Variants in MDC1 observed in about 807,000 individuals in gnomAD.
MDC1 encodes mediator of DNA damage checkpoint 1, also known as mediator of DNA damage checkpoint protein 1.
A neutral mutation model predicts 142.5 loss-of-function variants in MDC1; 81 were observed. The observed-to-expected ratio is 0.57, with a 90% CI of 0.47 to 0.68. The LOEUF is 0.68. MDC1 is among the 30% of genes least tolerant of loss of function. The pLI is 0.00. For synonymous variants in MDC1, 797 were observed against 968.4 expected, an observed-to-expected ratio of 0.82 and a Z score of 3.29; for missense variants, 2,119 against 2,547.9, an observed-to-expected ratio of 0.83 and a Z score of 3.62.
Position 30,703,338 on chromosome 6 carries a change from C to A in MDC1, c.5683-52G>T. The A allele has an allele frequency of 6.2e-7, 1 of 1,611,180 alleles. No homozygotes were observed. The highest frequency in any genetic ancestry group is 1.3e-5 in the African/African-American group (1 of 75,028). Reference sequence around the variant, plus strand: ...TACGGCAACCCATGCCATCAGCACCCATCTCTACAATCCTCTAGGTCTCCT... The same window carrying A: ...TACGGCAACCCATGCCATCAGCACCAATCTCTACAATCCTCTAGGTCTCCT... On this transcript the variant is annotated intron_variant, in intron 11 of 14. Transcript: ENST00000376406. The surrounding 1 kb of genome is among the most constrained non-coding windows in gnomAD (Gnocchi z 4.4).
At chr6:30,706,165 C>T (rs1410996812) in intron 9 of MDC1, 67 bp from the exon 10 acceptor site, 1 of 1,326,032 alleles carries the variant, frequency 7.5e-7, no homozygotes, top group African/African-American at 1.5e-5. Flanking sequence ...GGATACTGTT[C>T]TTGATACTTG....
chr6:30,716,802 G>T lies in MDC1; in HGVS notation c.-4+443C>A. 3.6e-6 allele frequency: 2 copies of T among 559,848 alleles called. No homozygotes were observed. Among genetic ancestry groups the T allele is most frequent in the Non-Finnish European group, 4.5e-6 (2 of 441,318 alleles). 34.7% of individuals were successfully genotyped at this position (559,848 alleles called of 1,614,324 possible). On this transcript the variant is annotated intron_variant, in intron 1 of 14. Coordinates refer to ENST00000376406, the MANE Select transcript of MDC1 (RefSeq NM_014641.3). This position sits in a 1 kb window ranked among gnomAD's most constrained non-coding sequence, Gnocchi z 4.4. ...GTGAACCAAACATGAAATCGACCCT[G>T]CCCTCGGGAAGGCTCATCACCGAGC...
chr6:30,704,773 C>A lies in MDC1; in HGVS notation c.4410G>T (p.Thr1470=), dbSNP rs547516755. The A allele has an allele frequency of 6.5e-7, 1 of 1,531,090 alleles. No individual in the cohort carries two copies. The allele number at this position is 1,531,090 out of a possible 1,614,324, so 94.8% of individuals were successfully genotyped here. ...CTGTTCTTCCCCTAGTAGCCTGAGACGTAGGCTCAGGGGTAACAGGCTGGT... is the reference window on the plus strand; with the variant it reads ...CTGTTCTTCCCCTAGTAGCCTGAGAAGTAGGCTCAGGGGTAACAGGCTGGT... ...STDQPVTPEP[T]SQATRGRTDR... The change falls in exon 10 of 15, where the codon ACG becomes ACT. Residue 1470 remains threonine, a synonymous_variant. Transcript: ENST00000376406.
intron 7 of MDC1, among the ~76,000 whole-genome samples, 186 bp from the exon 8 acceptor site, chr6:30,708,543 A>G (rs1368539002): frequency 7.9e-5 from 12 of 152,204 alleles, no homozygotes; most frequent in Admixed American, 7.9e-4. Context: ...TATAACATTT[A>G]ACGTTTGTCT....
At position 30,703,908 on chromosome 6, in the gene MDC1, C is replaced by T. The variant is rs773246059; in HGVS notation, c.5275G>A (p.Gly1759Arg). The change falls in exon 10 of 15, where the codon GGA becomes AGA. Residue 1759 changes from glycine (G) to arginine (R), a missense_variant. Coordinates refer to ENST00000376406, the MANE Select transcript of MDC1 (RefSeq NM_014641.3). This position sits in a 1 kb window ranked among gnomAD's most constrained non-coding sequence, Gnocchi z 4.4. The part of the protein sequence containing the change: ...KSQASRNQRW[G>R]AVRAAESLTA... ...AGGGATTCAGCTGCTCTCACTGCTCCCCATCTTTGGTTCCTTGAGGCCTGG... is the reference window on the plus strand; with the variant it reads ...AGGGATTCAGCTGCTCTCACTGCTCTCCATCTTTGGTTCCTTGAGGCCTGG... 1 of 1,614,136 alleles carries T rather than the reference C, an allele frequency of 6.2e-7. No homozygotes were observed. The highest frequency in any genetic ancestry group is 8.5e-7 in the Non-Finnish European group (1 of 1,180,028).
At position 30,707,884 on chromosome 6, in the gene MDC1, C is replaced by G; in HGVS notation, c.2695G>C (p.Glu899Gln). 1 of 1,613,052 alleles carries G rather than the reference C, an allele frequency of 6.2e-7. No individual in the cohort carries two copies. The highest frequency in any genetic ancestry group is 8.5e-7 in the Non-Finnish European group (1 of 1,180,032). The change falls in exon 8 of 15, where the codon GAA (glutamate) becomes CAA (glutamine). Residue 899 changes from glutamate (E) to glutamine (Q), a missense_variant. Glu to Gln is a conservative substitution (Grantham distance 29). Coordinates refer to ENST00000376406, the MANE Select transcript of MDC1 (RefSeq NM_014641.3). Reference protein sequence around the residue: ...SLKVEIETSEEIQEKQVQKQT... With the variant: ...SLKVEIETSEQIQEKQVQKQT... ...TTCTGTACTTGTTTCTCTTGTATTTCCTCAGATGTCTCAATTTCTACCTTC... is the reference window on the plus strand; with the variant it reads ...TTCTGTACTTGTTTCTCTTGTATTTGCTCAGATGTCTCAATTTCTACCTTC...
At chr6:30,708,855 C>CAAAAAAAA (rs59939040) in intron 7 of MDC1, among the ~76,000 whole-genome samples, 1 of 55,230 alleles carries the variant, frequency 1.8e-5, no homozygotes, top group South Asian at 6.7e-4. Context: ...GACTCTGTCT[C>CAAAAAAAA]AAAAAAAAAA....
Position 30,707,945 on chromosome 6 carries a change from C to A in MDC1, c.2634G>T (p.Gly878=). 1 of 1,613,008 alleles carries A rather than the reference C, an allele frequency of 6.2e-7. No homozygotes were observed. Among genetic ancestry groups the A allele is most frequent in the Non-Finnish European group, 8.5e-7 (1 of 1,180,014 alleles). Residue 878 remains glycine (G), a synonymous_variant, in exon 8 of 15, where the codon GGG becomes GGT. Coordinates refer to ENST00000376406, the MANE Select transcript of MDC1 (RefSeq NM_014641.3). ...TATCTCTTTCAGGACTTGCACTTTC[C>A]CCATTTTTGTCAGATTCTTGTCTCT... ...DTQRQESDKN[G]ESASPERDRE... is the part of the protein sequence containing the mutation.
rs1773716465 is a variant in MDC1 at position 30,705,917 on chromosome 6, G to A, written c.3266C>T (p.Ala1089Val). The change falls in exon 10 of 15, where the codon GCT becomes GTT. Residue 1089 changes from alanine (A) to valine (V), a missense_variant. Transcript: ENST00000376406. The stretch of plus-strand genomic sequence containing the variant: ...CTCTGAGGACAAGGGAGCCTCTGGA[G>A]CTTCCTGACTCCCATCTTGCCTGGT... The part of the protein sequence containing the change: ...RKTRQDGSQE[A>V]PEAPLSSELE... 6.2e-7 allele frequency: 1 copy of A among 1,613,574 alleles called. No individual in the cohort carries two copies. Among genetic ancestry groups the A allele is most frequent in the African/African-American group, 1.3e-5 (1 of 74,856 alleles).
At chr6:30,702,936 C>A in intron 12 of MDC1, 59 bp from the exon 13 acceptor site, 2 of 1,610,380 alleles carry the variant, frequency 1.2e-6, no homozygotes, top group Non-Finnish European at 1.7e-6. Flanking sequence ...AGCTCTGCTG[C>A]CTAGCATTTA....
In MDC1 at chr6:30,713,116, T is replaced by A; in HGVS notation, c.826A>T (p.Arg276Trp). The stretch of plus-strand genomic sequence containing the variant: ...GGAACCACCCCATTCCCTGCACCCC[T>A]CTTGACTTTTGTATCATTGTCCCTC... ...KERDNDTKVK[R>W]GAGNGVVPAG... The change falls in exon 5 of 15, where the codon AGG (arginine) becomes TGG (tryptophan). Residue 276 changes from arginine to tryptophan, a missense_variant. Coordinates refer to ENST00000376406, the MANE Select transcript of MDC1 (RefSeq NM_014641.3). This position sits in a 1 kb window ranked among gnomAD's most constrained non-coding sequence, Gnocchi z 4.9. The A allele has an allele frequency of 6.2e-7, 1 of 1,613,038 alleles. No homozygotes were observed. Among genetic ancestry groups the A allele is most frequent in the Non-Finnish European group, 8.5e-7 (1 of 1,179,936 alleles).
At position 30,703,467 on chromosome 6, in the gene MDC1, C is replaced by T. The variant is rs376836775; in HGVS notation, c.5633G>A (p.Ser1878Asn). The T allele has an allele frequency of 1.7e-4, 270 of 1,613,970 alleles. 8 individuals carry two copies. The highest frequency in any genetic ancestry group is 8.9e-4 in the East Asian group (40 of 44,884). The change falls in exon 11 of 15, where the codon AGC becomes AAC. Residue 1878 changes from serine (S) to asparagine (N), a missense_variant. By Grantham distance (46) the Ser-to-Asn change is conservative. Transcript: ENST00000376406. The surrounding 1 kb of genome is among the most constrained non-coding windows in gnomAD (Gnocchi z 4.4). Reference sequence around the variant, plus strand: ...AAGTTTGGTCCGTCGGAGGCTGCGGCTTGGTATTCTGTTGGGCTCCTCCTC... The same window carrying T: ...AAGTTTGGTCCGTCGGAGGCTGCGGTTTGGTATTCTGTTGGGCTCCTCCTC... ...QAEEEPNRIP[S>N]RSLRRTKLNQ...
chr6:30,700,902 CAAAAAA>C lies in MDC1; in HGVS notation c.6103-276_6103-271del, dbSNP rs9281018. Among the ~76,000 whole-genome samples the C allele has an allele frequency of 4.2e-5, 3 of 70,596 alleles. No individual in the cohort carries two copies. In the Admixed American group the frequency reaches 5.2e-4, roughly 12 times the overall value. 46.3% of individuals were successfully genotyped at this position (70,596 alleles called of 152,430 possible). On this transcript the variant is annotated intron_variant, in intron 14 of 14. Coordinates refer to ENST00000376406, the MANE Select transcript of MDC1 (RefSeq NM_014641.3). Reference sequence around the variant, plus strand: ...TGAAACCCTGTCTCTACTAAAAATACAAAAAAAAAAAAAAAAAAAAATTAGCCGGGC... The same window carrying C: ...TGAAACCCTGTCTCTACTAAAAATACAAAAAAAAAAAAAAATTAGCCGGGC...
rs774476686 is a variant in MDC1, at chr6:30,703,465, G to A, written c.5635C>T (p.Arg1879Cys). ...TTAAGTTTGGTCCGTCGGAGGCTGC[G>A]GCTTGGTATTCTGTTGGGCTCCTCC... is the stretch of plus-strand genomic sequence containing the variant. ...AEEEPNRIPS[R>C]SLRRTKLNQE... Residue 1879 changes from arginine to cysteine, a missense_variant, in exon 11 of 15, where the codon CGC becomes TGC. Transcript: ENST00000376406. This position sits in a 1 kb window ranked among gnomAD's most constrained non-coding sequence, Gnocchi z 4.4. 1.5e-5 allele frequency: 24 copies of A among 1,613,806 alleles called. No homozygotes were observed. Among genetic ancestry groups the A allele is most frequent in the South Asian group, 1.1e-4 (10 of 91,090 alleles).
Position 30,700,449 on chromosome 6 carries a change from A to G in MDC1, c.*16T>C, listed in dbSNP as rs114770843. ...TTCTAATTCGTGGTCTGGGAGGGAA[A>G]AGGGTAGTGGAGTTCTCAGGTGGAT... On this transcript the variant is annotated 3_prime_UTR_variant, in exon 15 of 15. Coordinates refer to ENST00000376406, the MANE Select transcript of MDC1 (RefSeq NM_014641.3). 8.4e-3 allele frequency: 13,456 copies of G among 1,601,236 alleles called. 122 individuals are homozygous for G. Among genetic ancestry groups the G allele is most frequent in the Middle Eastern group, 0.048 (286 of 6,008 alleles).
Position 30,707,377 on chromosome 6 carries a change from C to T in MDC1, c.3084+7G>A. ...GTGGAATAGGAGGTAGAAAAAGTAG[C>T]TCTCACCCTGGAAACCTTCTCAGCA... On this transcript the variant is annotated splice_region_variant and intron_variant, in intron 9 of 14. Coordinates refer to ENST00000376406, the MANE Select transcript of MDC1 (RefSeq NM_014641.3). 1 of 1,613,052 alleles carries T rather than the reference C, an allele frequency of 6.2e-7. No homozygotes were observed. Among genetic ancestry groups the T allele is most frequent in the Non-Finnish European group, 8.5e-7 (1 of 1,179,980 alleles).
In MDC1 at chr6:30,704,720, G is replaced by C. The variant is rs200629873; in HGVS notation, c.4463C>G (p.Thr1488Arg). 1.9e-6 allele frequency: 3 copies of C among 1,612,578 alleles called. No homozygotes were observed. The highest frequency in any genetic ancestry group is 1.7e-6 in the Non-Finnish European group (2 of 1,179,356). The change falls in exon 10 of 15, where the codon ACA (threonine) becomes AGA (arginine). Residue 1488 changes from threonine (T) to arginine (R), a missense_variant. Physicochemically the swap from Thr to Arg is moderately conservative, Grantham distance 71 (BLOSUM62 -1). Coordinates refer to ENST00000376406, the MANE Select transcript of MDC1 (RefSeq NM_014641.3). ...TDRSSVKTPETVVPTAPELQA... is the reference protein window; with the variant it reads ...TDRSSVKTPERVVPTAPELQA... Reference sequence around the variant, plus strand: ...TAGCTCAGGGGCTGTGGGGACAACTGTTTCAGGAGTCTTGACAGAGGATCT... The same window carrying C: ...TAGCTCAGGGGCTGTGGGGACAACTCTTTCAGGAGTCTTGACAGAGGATCT...
chr6:30,699,954 T>C lies in MDC1; in HGVS notation c.*511A>G, dbSNP rs942857948. 2 of 225,964 alleles carry C rather than the reference T, an allele frequency of 8.9e-6. No homozygotes were observed. The highest frequency in any genetic ancestry group is 4.5e-5 in the African/African-American group (2 of 44,908). 14.0% of individuals were successfully genotyped at this position (225,964 alleles called of 1,614,324 possible). On this transcript the variant is annotated 3_prime_UTR_variant, in exon 15 of 15. Transcript: ENST00000376406. ...CCAGAGGCCAGGAGAGAAGAAAATG[T>C]TTTAGTAGCACTCCATAACTGGACC...
Position 30,702,683 on chromosome 6 carries a change from G to A in MDC1, c.5992-20C>T, listed in dbSNP as rs1290928272. The stretch of plus-strand genomic sequence containing the variant: ...ATAGCCCTAAGAGAAAGAAATGATG[G>A]AGATGGTATTGTAGATTGGGAAGCA... On this transcript the variant is annotated intron_variant, in intron 13 of 14. Transcript: ENST00000376406. 1 of 1,611,690 alleles carries A rather than the reference G, an allele frequency of 6.2e-7. No individual in the cohort carries two copies. Among genetic ancestry groups the A allele is most frequent in the Non-Finnish European group, 8.5e-7 (1 of 1,179,324 alleles).
Sources: allele counts gnomAD v4.1 joint callset (sites outside exome capture counted in the v4.1 genomes callset), GRCh38; gene constraint gnomAD v4.1.1; non-coding constraint Gnocchi (gnomAD v3.1); transcripts MANE v1.5; gene names NCBI Gene and HGNC (gene_info 2026-07-23, HGNC 2026-07-21).